The following SLC10A2 variants were observed in gnomAD, a reference collection of about 807,000 sequenced individuals.
SLC10A2 encodes the protein solute carrier family 10 member 2, also known as ileal sodium/bile acid cotransporter.
In SLC10A2, 34 loss-of-function variants were observed where a neutral mutation model predicts 27.1. The ratio of observed to expected loss-of-function variants is 1.26; its 90% CI spans 0.96 to 1.67. The LOEUF is 1.67. SLC10A2 is among the 40% of genes most tolerant of loss of function. SLC10A2 has a pLI of 0.00. For missense variants in SLC10A2, 530 were observed against 444.4 expected, an observed-to-expected ratio of 1.19 and a Z score of -1.73; for synonymous variants, 205 against 174.0, an observed-to-expected ratio of 1.18 and a Z score of -1.40.
At chr13:103,049,202 G>A in intron 5 of SLC10A2, 87 bp downstream of exon 5, 2 of 1,387,734 alleles carry the variant, frequency 1.4e-6, no homozygotes, top group African/African-American at 2.8e-5. Flanking sequence ...TCACCACCAG[G>A]AACGGGGAGT....
chr13:103,066,317 T>C lies in SLC10A2; in HGVS notation c.-68A>G. ...GGTCCCTGGGCCCTGGCTCTGCTGC[T>C]GGTTGAGTTAAGCAACGTTTACTTC... On this transcript the variant is annotated 5_prime_UTR_variant, in exon 1 of 6. Coordinates refer to ENST00000245312, the MANE Select transcript of SLC10A2 (RefSeq NM_000452.3). 6.6e-7 allele frequency: 1 copy of C among 1,513,468 alleles called. No homozygotes were observed. Among genetic ancestry groups the C allele is most frequent in the Non-Finnish European group, 8.8e-7 (1 of 1,134,572 alleles). The allele number at this position is 1,513,468 out of a possible 1,614,324, so 93.8% of individuals were successfully genotyped here.
intron 3 of SLC10A2, among the ~76,000 whole-genome samples, chr13:103,051,635 C>T (rs1222963647): frequency 6.6e-6 from 1 of 152,196 alleles, no homozygotes; most frequent in Non-Finnish European, 1.5e-5. Context: ...GCTTTAAGAA[C>T]ACAATAGGAC....
chr13:103,049,190 A>G (rs1595437532), intron 5 of SLC10A2, 99 bp downstream of exon 5: 3 of 1,288,408 alleles, frequency 2.3e-6, no homozygotes, highest in East Asian at 2.4e-5. Context: ...TATTTGTACA[A>G]TTCACCACCA....
chr13:103,051,363 C>A lies in SLC10A2; in HGVS notation c.655G>T (p.Ala219Ser), dbSNP rs147515410. Residue 219 changes from alanine to serine, a missense_variant, in exon 4 of 6, where the codon GCC (alanine) becomes TCC (serine). Transcript: ENST00000245312. Reference sequence around the variant, plus strand: ...CACAGTTTGGGAGCAATGATCCAGGCGCTTTGGTACAATATTCCTCCAACC... The same window carrying A: ...CACAGTTTGGGAGCAATGATCCAGGAGCTTTGGTACAATATTCCTCCAACC... Reference protein sequence around the residue: ...AVVGGILYQSAWIIAPKLWII... With the variant: ...AVVGGILYQSSWIIAPKLWII... 3.1e-6 allele frequency: 5 copies of A among 1,613,950 alleles called. No individual in the cohort carries two copies. In the Admixed American group the frequency reaches 5.0e-5, roughly 16 times the overall value.
chr13:103,048,052 CAGT>C (rs1349129111), intron 5 of SLC10A2, among the ~76,000 whole-genome samples: 1 of 152,016 alleles, frequency 6.6e-6, no homozygotes, highest in Non-Finnish European at 1.5e-5. Context: ...ACATTCAAGA[CAGT>C]AGTGCAGAGG....
intron 2 of SLC10A2, 86 bp from the exon 3 acceptor site, chr13:103,052,794 A>G: frequency 1.2e-6 from 1 of 822,032 alleles, no homozygotes; most frequent in Non-Finnish European, 2.1e-6. Flanking sequence ...CTGAAGAAAG[A>G]TTAGGTGGTA....
chr13:103,056,164 T>C (rs192911590), intron 2 of SLC10A2, among the ~76,000 whole-genome samples: 1 of 152,364 alleles, frequency 6.6e-6, no homozygotes, highest in African/African-American at 2.4e-5. Flanking sequence ...GCACTCTTTC[T>C]GCAGAAAGTA....
intron 2 of SLC10A2, among the ~76,000 whole-genome samples, chr13:103,057,148 C>T (rs1210047290): frequency 1.3e-5 from 2 of 152,042 alleles, no homozygotes; most frequent in African/African-American, 2.4e-5. Flanking sequence ...GGATTTTTTT[C>T]CAAGGTCAGT....
chr13:103,048,474 A>C (rs1164697144), intron 5 of SLC10A2, among the ~76,000 whole-genome samples: 2 of 152,070 alleles, frequency 1.3e-5, no homozygotes. Context: ...AAACCAAACT[A>C]TATCTCTGGA....
chr13:103,049,262 T>C (rs1875697953), intron 5 of SLC10A2, 27 bp downstream of exon 5: 1 of 1,612,262 alleles, frequency 6.2e-7, no homozygotes, highest in Non-Finnish European at 8.5e-7. Flanking sequence ...AAGATTATCA[T>C]GAAATGGGAT....
rs755669295 is a variant in SLC10A2 at position 103,052,713 on chromosome 13, A to G, written c.497-5T>C. The stretch of plus-strand genomic sequence containing the variant: ...CGAGAGAAACCAGAGATGTACCTAA[A>G]GATGACAGAAGGGCAATGTGATCAG... On this transcript the variant is annotated splice_polypyrimidine_tract_variant and splice_region_variant and intron_variant, in intron 2 of 5. Transcript: ENST00000245312. 2.0e-6 allele frequency: 3 copies of G among 1,536,682 alleles called. No individual in the cohort carries two copies. Among genetic ancestry groups the G allele is most frequent in the Non-Finnish European group, 2.7e-6 (3 of 1,109,522 alleles).
At chr13:103,061,555 G>A (rs1595442553) in intron 1 of SLC10A2, among the ~76,000 whole-genome samples, 1 of 151,978 alleles carries the variant, frequency 6.6e-6, no homozygotes. Context: ...GTCTTTTTCT[G>A]TCTTTGTTTT....
At position 103,066,377 on chromosome 13, in the gene SLC10A2, A is replaced by C. The variant is rs952327793; in HGVS notation, c.-128T>G. 4 of 1,008,314 alleles carry C rather than the reference A, an allele frequency of 4.0e-6. No individual in the cohort carries two copies. Among genetic ancestry groups the C allele is most frequent in the Admixed American group, 2.8e-5 (1 of 35,466 alleles). 62.5% of individuals were successfully genotyped at this position (1,008,314 alleles called of 1,614,324 possible). A position where few individuals can be genotyped will look rare whatever the true frequency, so the allele number is the denominator to read the frequency against. On this transcript the variant is annotated 5_prime_UTR_variant, in exon 1 of 6. Transcript: ENST00000245312. ...AAACTTTTAAACCCCTCCTAAAAAT[A>C]TGTCACTTGGTGTCTCTTTTGAAAG...
rs77670428 is a variant in SLC10A2 at position 103,053,869 on chromosome 13, A to G, written c.497-1161T>C. 6.6e-3 allele frequency among the ~76,000 whole-genome samples: 1,005 copies of G among 152,020 alleles called. 7 individuals are homozygous for G. Among genetic ancestry groups the G allele is most frequent in the Non-Finnish European group, 0.012 (803 of 67,964 alleles). ...TACTAAGAGTAGGAAAAAAAAAGATAAATGAGGGGGAGTAAGGAGGGAATA... is the reference window on the plus strand; with the variant it reads ...TACTAAGAGTAGGAAAAAAAAAGATGAATGAGGGGGAGTAAGGAGGGAATA... On this transcript the variant is annotated intron_variant, in intron 2 of 5. Coordinates refer to ENST00000245312, the MANE Select transcript of SLC10A2 (RefSeq NM_000452.3).
intron 5 of SLC10A2, among the ~76,000 whole-genome samples, chr13:103,048,521 G>A (rs143209940): frequency 9.1e-4 from 139 of 152,056 alleles, no homozygotes; most frequent in African/African-American, 3.3e-3. Flanking sequence ...GTTTTGTTGC[G>A]TGCCTTCACT....
intron 1 of SLC10A2, among the ~76,000 whole-genome samples, chr13:103,061,929 G>A (rs1014692198): frequency 6.6e-6 from 1 of 151,802 alleles, no homozygotes; most frequent in South Asian, 2.1e-4. Context: ...TCTATAAAAG[G>A]CATGTATATA....
chr13:103,066,154 C>T lies in SLC10A2; in HGVS notation c.96G>A (p.Val32=), dbSNP rs1876270676. Residue 32 remains valine, a synonymous_variant, in exon 1 of 6, where the codon GTG becomes GTA. Transcript: ENST00000245312. ...PESNFNNILS[V]VLSTVLTILL... ...GGATGGTCAGCACCGTACTTAGGAC[C>T]ACACTTAGGATGTTATTGAAATTGC... 6.2e-7 allele frequency: 1 copy of T among 1,614,068 alleles called. No individual in the cohort carries two copies. Among genetic ancestry groups the T allele is most frequent in the African/African-American group, 1.3e-5 (1 of 74,914 alleles).
At chr13:103,055,418 G>A (rs756731922) in intron 2 of SLC10A2, among the ~76,000 whole-genome samples, 4 of 152,168 alleles carry the variant, frequency 2.6e-5, no homozygotes, top group African/African-American at 4.8e-5. Flanking sequence ...TACCAAACAC[G>A]TCTGCCCATA....
chr13:103,063,219 G>A (rs61509092), intron 1 of SLC10A2, among the ~76,000 whole-genome samples: 13,157 of 149,924 alleles, frequency 0.088, 583 homozygotes, highest in South Asian at 0.11. Flanking sequence ...TTTTTTTTTT[G>A]TTTTTCAAAG....
Sources: allele counts gnomAD v4.1 joint callset (sites outside exome capture counted in the v4.1 genomes callset), GRCh38; gene constraint gnomAD v4.1.1; transcripts MANE v1.5; gene names NCBI Gene and HGNC (gene_info 2026-07-23, HGNC 2026-07-21).